The following DNAH8 variants were observed in gnomAD, a reference collection of about 807,000 sequenced individuals.
DNAH8 encodes the protein axonemal beta dynein heavy chain 8.
In DNAH8, 382 loss-of-function variants were observed where a neutral mutation model predicts 562.1. The observed-to-expected ratio is 0.68, with a 90% CI of 0.63 to 0.74. The LOEUF is 0.74. Among genes scored for constraint, DNAH8 ranks in the 30% least tolerant of loss-of-function variants. The pLI is 0.00. For missense variants in DNAH8, 5,203 were observed against 5,620.4 expected (o/e 0.93, Z 2.37); for synonymous variants, 1,881 against 1,919.4 (o/e 0.98, Z 0.52).
At chr6:38,830,031 T>G (rs1013487280) in intron 30 of DNAH8, among the ~76,000 whole-genome samples, 7 of 152,222 alleles carry the variant, frequency 4.6e-5, no homozygotes, top group Non-Finnish European at 1.0e-4. Flanking sequence ...AATTTGCATC[T>G]TCTCTCCTTT....
chr6:38,983,552 A>G (rs994681621), intron 86 of DNAH8, among the ~76,000 whole-genome samples: 1 of 152,268 alleles, frequency 6.6e-6, no homozygotes, highest in Non-Finnish European at 1.5e-5. Context: ...AAGCTGAAAA[A>G]TAAAATTTTA....
At chr6:38,738,033 T>C in intron 7 of DNAH8, 61 bp downstream of exon 7, 12 of 1,535,476 alleles carry the variant, frequency 7.8e-6, no homozygotes, top group East Asian at 2.4e-5. Context: ...CTAGCCATTG[T>C]ATTTTGTCTC....
chr6:39,024,517 T>C (rs1767141968), intron 91 of DNAH8, among the ~76,000 whole-genome samples: 1 of 152,200 alleles, frequency 6.6e-6, no homozygotes, highest in South Asian at 2.1e-4. Context: ...TGCTAAAGTA[T>C]GGGAGCCTGG....
At chr6:38,905,891 TTTG>T (rs770854381) in intron 62 of DNAH8, among the ~76,000 whole-genome samples, 5 of 152,060 alleles carry the variant, frequency 3.3e-5, no homozygotes, top group African/African-American at 4.8e-5. Context: ...TATGGTTTTT[TTTG>T]TTGTTGTTGT....
chr6:38,784,874 CA>C (rs1348456782), intron 17 of DNAH8, among the ~76,000 whole-genome samples: 1 of 152,172 alleles, frequency 6.6e-6, no homozygotes, highest in East Asian at 1.9e-4. Context: ...CTGTTTCTAA[CA>C]GTGTCAAGAA....
intron 57 of DNAH8, among the ~76,000 whole-genome samples, chr6:38,888,233 A>G (rs1026470227): frequency 6.6e-6 from 1 of 152,198 alleles, no homozygotes; most frequent in Non-Finnish European, 1.5e-5. Context: ...TGCCAATGAC[A>G]TGATCAACTA....
intron 82 of DNAH8, among the ~76,000 whole-genome samples, chr6:38,960,419 C>A (rs1408707997): frequency 2.7e-5 from 4 of 146,160 alleles, no homozygotes; most frequent in African/African-American, 5.0e-5. Flanking sequence ...AACTCAATAG[C>A]AAAAAAAAAA....
intron 9 of DNAH8, among the ~76,000 whole-genome samples, chr6:38,754,810 C>CT (rs1176953451): frequency 2.0e-5 from 3 of 152,050 alleles, no homozygotes; most frequent in East Asian, 1.9e-4. Context: ...GATTCTAAGA[C>CT]TTTTTTTCAC....
intron 17 of DNAH8, 74 bp downstream of exon 17, chr6:38,783,213 C>T: frequency 7.3e-7 from 1 of 1,361,474 alleles, no homozygotes; most frequent in Non-Finnish European, 1.0e-6. Flanking sequence ...TTCTGGAGAA[C>T]TTTTTCCATC....
At position 38,735,864 on chromosome 6, in the gene DNAH8, C is replaced by T. The variant is rs1037477936; in HGVS notation, c.763-1203C>T. On this transcript the variant is annotated intron_variant, in intron 5 of 92. Coordinates refer to ENST00000327475, the MANE Select transcript of DNAH8 (RefSeq NM_001206927.2). ...AGTTTAGACATTATCTGTGGCCAGT[C>T]GCAGTGGCTTACCCTGTACTCCCGG... 5.9e-5 allele frequency among the ~76,000 whole-genome samples: 9 copies of T among 152,114 alleles called. No homozygotes were observed. The South Asian group carries it at 6.2e-4, about 11-fold the overall frequency.
At chr6:38,854,328 G>A (rs1361798006) in intron 41 of DNAH8, among the ~76,000 whole-genome samples, 1 of 152,162 alleles carries the variant, frequency 6.6e-6, no homozygotes, top group Non-Finnish European at 1.5e-5. Context: ...TGGCCAGAGA[G>A]AGCATGGGAT....
intron 61 of DNAH8, 84 bp from the exon 62 acceptor site, chr6:38,899,692 A>G: frequency 6.8e-7 from 1 of 1,469,270 alleles, no homozygotes; most frequent in Non-Finnish European, 9.4e-7. Context: ...GAAACATATG[A>G]TCAAAACTTG....
intron 32 of DNAH8, among the ~76,000 whole-genome samples, chr6:38,836,509 A>G (rs1318640023): frequency 7.8e-6 from 1 of 127,472 alleles, no homozygotes; most frequent in African/African-American, 2.9e-5. Context: ...CAACAAAAAA[A>G]CCATCTCAAA....
intron 12 of DNAH8, among the ~76,000 whole-genome samples, chr6:38,773,079 A>G (rs915896996): frequency 2.0e-4 from 29 of 147,964 alleles, no homozygotes; most frequent in African/African-American, 6.6e-4. Flanking sequence ...AGCCTCCCAA[A>G]GTGCTGGAAT....
rs188141828 is a variant in DNAH8, at chr6:38,966,688, T to C, written c.12452-4904T>C. Among the ~76,000 whole-genome samples the C allele has an allele frequency of 3.5e-3, 533 of 152,328 alleles. 1 individual carries two copies. The highest frequency in any genetic ancestry group is 0.012 in the African/African-American group (499 of 41,580). ...GATTGGTTAAACATATGAATATCAA[T>C]CAATGTAATATACCATATTAATAGA... On this transcript the variant is annotated intron_variant, in intron 82 of 92. Transcript: ENST00000327475.
chr6:38,842,363 C>A lies in DNAH8; in HGVS notation c.4467-5C>A. 5 of 1,592,870 alleles carry A rather than the reference C, an allele frequency of 3.1e-6. No homozygotes were observed. The South Asian group carries it at 4.6e-5, about 15-fold the overall frequency. On this transcript the variant is annotated splice_polypyrimidine_tract_variant and splice_region_variant and intron_variant, in intron 33 of 92. Transcript: ENST00000327475. ...ATGTGATAACTTAGTTACTTTGTTT[C>A]CCAGAAAAGAACTCAACTTGCTGCA... is the stretch of plus-strand genomic sequence containing the variant.
At chr6:38,885,004 G>A (rs569047765) in intron 56 of DNAH8, among the ~76,000 whole-genome samples, 9 of 152,098 alleles carry the variant, frequency 5.9e-5, no homozygotes, top group East Asian at 1.9e-4. Flanking sequence ...ATCCCTATTC[G>A]CCTCAGACAC....
rs1023777490 is a variant in DNAH8 at position 38,918,063 on chromosome 6, A to T, written c.10447A>T (p.Asn3483Tyr). 7 of 1,613,758 alleles carry T rather than the reference A, an allele frequency of 4.3e-6. No homozygotes were observed. Among genetic ancestry groups the T allele is most frequent in the Middle Eastern group, 1.6e-4 (1 of 6,080 alleles). ...TFESAKKVCG[N>Y]VAGLLSWTLA... ...TGAAAGTGCCAAAAAAGTCTGTGGG[A>T]ATGTGGCTGGTCTCCTGTCTTGGAC... Residue 3483 changes from asparagine (N) to tyrosine (Y), a missense_variant, in exon 70 of 93, where the codon AAT becomes TAT. Physicochemically the swap from Asn to Tyr is moderately radical, Grantham distance 143. Around this residue, in one of 6 missense-constraint regions of DNAH8, gnomAD observed 1,399 missense variants for 1,518.4 expected, o/e 0.92. Coordinates refer to ENST00000327475, the MANE Select transcript of DNAH8 (RefSeq NM_001206927.2).
At chr6:38,744,777 T>A (rs952951506) in intron 8 of DNAH8, among the ~76,000 whole-genome samples, 3 of 152,002 alleles carry the variant, frequency 2.0e-5, no homozygotes, top group African/African-American at 7.2e-5. Context: ...ACAATTTTTT[T>A]TATAGAGATA....
Sources: allele counts gnomAD v4.1 joint callset (sites outside exome capture counted in the v4.1 genomes callset), GRCh38; gene constraint gnomAD v4.1.1; regional missense constraint gnomAD v4.1.1; transcripts MANE v1.5; gene names NCBI Gene and HGNC (gene_info 2026-07-23, HGNC 2026-07-21).